The following SLC4A4 variants were observed in gnomAD, a reference collection of about 807,000 sequenced individuals.
The protein encoded by SLC4A4 is solute carrier family 4 member 4, also known as electrogenic sodium bicarbonate cotransporter 1.
Under a neutral mutation model 111.5 loss-of-function variants are expected in SLC4A4, and 27 were observed. The ratio of observed to expected loss-of-function variants is 0.24; its 90% confidence interval spans 0.18 to 0.33. SLC4A4 has a LOEUF of 0.33. Ranked by LOEUF, SLC4A4 falls within the 10% of genes least tolerant of loss-of-function variation. The pLI is 1.00. For synonymous variants in SLC4A4, 443 were observed against 463.4 expected (o/e 0.96, Z 0.57); for missense variants, 909 against 1,315.5 (o/e 0.69, Z 4.78).
chr4:71,140,252 G>A (rs529333977), intron 2 of SLC4A4, among the ~76,000 whole-genome samples: 3 of 152,124 alleles, frequency 2.0e-5, no homozygotes, highest in Admixed American at 6.5e-5. Context: ...AAACCCTGAC[G>A]CTACAGAAAA....
chr4:71,119,654 A>G (rs540474372), intron 2 of SLC4A4, among the ~76,000 whole-genome samples: 6 of 152,192 alleles, frequency 3.9e-5, no homozygotes, highest in African/African-American at 1.4e-4. Flanking sequence ...AATTTATTCT[A>G]TTTGGGATTC....
Position 71,397,579 on chromosome 4 carries a change from A to T in SLC4A4, c.733A>T (p.Ser245Cys). 1 of 1,613,894 alleles carries T rather than the reference A, an allele frequency of 6.2e-7. No homozygotes were observed. Among genetic ancestry groups the T allele is most frequent in the East Asian group, 2.2e-5 (1 of 44,866 alleles). Residue 245 changes from serine to cysteine, a missense_variant and splice_region_variant, in exon 7 of 26, where the codon AGC becomes TGC. Around this residue, in one of 7 missense-constraint regions of SLC4A4, gnomAD observed 312 missense variants for 402.0 expected, o/e 0.78. Transcript: ENST00000264485. ...AGAGTTTACTTGTGTTTTTCCAGGTAGCCCAGCCATGACCCATAGGAATCT... is the reference window on the plus strand; with the variant it reads ...AGAGTTTACTTGTGTTTTTCCAGGTTGCCCAGCCATGACCCATAGGAATCT... ...SRMFTNPDNG[S>C]PAMTHRNLTS...
chr4:71,181,648 C>T (rs557175939), intron 2 of SLC4A4, among the ~76,000 whole-genome samples: 2 of 152,302 alleles, frequency 1.3e-5, no homozygotes, highest in East Asian at 1.9e-4. Flanking sequence ...GAAGGAATGC[C>T]ATCAATCATT....
chr4:71,462,403 C>CA (rs1039444094), intron 12 of SLC4A4, among the ~76,000 whole-genome samples: 3 of 150,914 alleles, frequency 2.0e-5, no homozygotes, highest in African/African-American at 4.9e-5. Flanking sequence ...TTATCCAGTC[C>CA]AACCTCCTCA....
At chr4:71,068,594 C>G (rs551371395) in intron 1 of SLC4A4, among the ~76,000 whole-genome samples, 1 of 150,504 alleles carries the variant, frequency 6.6e-6, no homozygotes, top group South Asian at 2.1e-4. Flanking sequence ...GTGTCTTGCT[C>G]TGTCATCCAG....
chr4:71,314,104 G>A (rs146216314), intron 3 of SLC4A4, among the ~76,000 whole-genome samples: 9,336 of 152,028 alleles, frequency 0.061, 431 homozygotes, highest in Non-Finnish European at 0.092. Flanking sequence ...ATCAAAAAGT[G>A]GGCAAAGGAT....
intron 6 of SLC4A4, among the ~76,000 whole-genome samples, chr4:71,379,504 T>C (rs1397675053): frequency 6.6e-6 from 1 of 152,104 alleles, no homozygotes; most frequent in Non-Finnish European, 1.5e-5. Flanking sequence ...TCTCATCATC[T>C]CCTCCTCCTC....
At chr4:71,255,522 G>GA in intron 3 of SLC4A4, 123 bp downstream of exon 3, 2 of 1,024,056 alleles carry the variant, frequency 2.0e-6, no homozygotes, top group Non-Finnish European at 3.1e-6. Context: ...TTTAGAATCT[G>GA]TTCTAAAGGA....
intron 15 of SLC4A4, among the ~76,000 whole-genome samples, chr4:71,491,783 T>C (rs1729942267): frequency 1.3e-5 from 2 of 151,820 alleles, no homozygotes; most frequent in Non-Finnish European, 2.9e-5. Flanking sequence ...AGAAGTTTGG[T>C]GATGTTTTTG....
intron 12 of SLC4A4, among the ~76,000 whole-genome samples, chr4:71,459,941 C>T (rs1007668096): frequency 6.6e-6 from 1 of 151,970 alleles, no homozygotes; most frequent in Non-Finnish European, 1.5e-5. Flanking sequence ...TCTCCTTTTA[C>T]ATTTTTATTG....
chr4:71,380,799 C>T lies in SLC4A4; in HGVS notation c.731-16778C>T, dbSNP rs62302840. 8.1e-3 allele frequency among the ~76,000 whole-genome samples: 1,235 copies of T among 152,250 alleles called. 10 individuals are homozygous for T. Among genetic ancestry groups the T allele is most frequent in the Middle Eastern group, 0.02 (6 of 294 alleles). ...ATGGCACATTTCCTTGCTATTCCTC[C>T]CTCTGCTTCTTGTTCTCTCTACTCT... On this transcript the variant is annotated intron_variant, in intron 6 of 25. Transcript: ENST00000264485.
rs540919746 is a variant in SLC4A4 at position 71,087,779 on chromosome 4, A to G, written c.-64-4951A>G. ...ACTGTGGTCTGAGAGACTGTTTGTT[A>G]TAATTTCTACTCTTTTACATTTGCT... On this transcript the variant is annotated intron_variant, in intron 1 of 26. Coordinates refer to the SLC4A4 transcript ENST00000649996. Among the ~76,000 whole-genome samples the G allele has an allele frequency of 2.7e-4, 41 of 152,162 alleles. 1 individual carries two copies. Among genetic ancestry groups the G allele is most frequent in the African/African-American group, 9.9e-4 (41 of 41,426 alleles).
chr4:71,079,565 C>T (rs1055102022), intron 1 of SLC4A4, among the ~76,000 whole-genome samples: 1 of 151,970 alleles, frequency 6.6e-6, no homozygotes, highest in Non-Finnish European at 1.5e-5. Context: ...TACTTAAGCT[C>T]AGAAGTTTGA....
At chr4:71,466,944 AGAGAGAGAGAGAGAGAGAGAGG>A (rs1203643741) in intron 13 of SLC4A4, among the ~76,000 whole-genome samples, 1 of 127,076 alleles carries the variant, frequency 7.9e-6, no homozygotes, top group Non-Finnish European at 1.6e-5. Context: ...AGAGAGAGAG[AGAGAGAGAGAGAGAGAGAGAGG>A]GAGAGAGAGA....
In SLC4A4 at chr4:71,275,401, A is replaced by G. The variant is rs1722998135; in HGVS notation, c.253+20002A>G. Among the ~76,000 whole-genome samples the G allele has an allele frequency of 2.0e-5, 3 of 152,222 alleles. No individual in the cohort carries two copies. The South Asian group carries it at 6.2e-4, about 31-fold the overall frequency. On this transcript the variant is annotated intron_variant, in intron 3 of 25. Coordinates refer to ENST00000264485, the MANE Select transcript of SLC4A4 (RefSeq NM_001098484.3). ...AAAGGCTTGTCACTTTCTTTCTACA[A>G]TACTTCCTGAAAAGTTTTCCTTTCA...
Position 71,497,618 on chromosome 4 carries a change from A to C in SLC4A4, c.2092A>C (p.Ile698Leu). 4.3e-6 allele frequency: 7 copies of C among 1,613,750 alleles called. No homozygotes were observed. Among genetic ancestry groups the C allele is most frequent in the Non-Finnish European group, 5.9e-6 (7 of 1,179,786 alleles). Residue 698 changes from isoleucine (I) to leucine (L), a missense_variant, in exon 16 of 26, where the codon ATC becomes CTC. Physicochemically the swap from Ile to Leu is conservative, Grantham distance 5. This residue lies in a region of SLC4A4 where 264 missense variants were observed against 356.8 expected (regional missense o/e 0.74). Transcript: ENST00000264485. ...FVPDITLMSF[I>L]LFLGTYTSSM... ...TCCTGATATCACACTCATGTCTTTT[A>C]TCCTCTTCTTGGGAACCTACACCTC...
chr4:71,567,765 T>C (rs773609209), intron 25 of SLC4A4, 23 bp from the exon 26 acceptor site: 3 of 956,740 alleles, frequency 3.1e-6, no homozygotes, highest in Non-Finnish European at 4.5e-6. Flanking sequence ...TACTTACTAC[T>C]TTTTTTTTTC....
intron 3 of SLC4A4, among the ~76,000 whole-genome samples, chr4:71,258,101 A>G (rs1721586909): frequency 6.6e-6 from 1 of 152,186 alleles, no homozygotes; most frequent in Non-Finnish European, 1.5e-5. Flanking sequence ...TGTCCTAAGA[A>G]TAAAACCTCA....
intron 2 of SLC4A4, among the ~76,000 whole-genome samples, chr4:71,101,576 G>A (rs981671468): frequency 2.0e-5 from 3 of 152,184 alleles, no homozygotes; most frequent in Non-Finnish European, 4.4e-5. Flanking sequence ...GGAGATCTGA[G>A]AACGGGCAGA....
Sources: allele counts gnomAD v4.1 joint callset (sites outside exome capture counted in the v4.1 genomes callset), GRCh38; gene constraint gnomAD v4.1.1; regional missense constraint gnomAD v4.1.1; transcripts MANE v1.5; gene names NCBI Gene and HGNC (gene_info 2026-07-23, HGNC 2026-07-21).